The following NDUFA9 variants were observed in gnomAD, a reference collection of about 807,000 sequenced individuals.
NDUFA9 encodes NADH:ubiquinone oxidoreductase subunit A9.
In NDUFA9, 23 loss-of-function variants were observed where a neutral mutation model predicts 45.9. The ratio of observed to expected loss-of-function variants is 0.50; its 90% CI spans 0.36 to 0.71. NDUFA9 has a LOEUF of 0.71. Among genes scored for constraint, NDUFA9 ranks in the 30% least tolerant of loss-of-function variants. The pLI, the probability that NDUFA9 is intolerant of heterozygous loss-of-function variation, is 0.00. For synonymous variants in NDUFA9, 176 were observed against 170.5 expected (o/e 1.03, Z -0.25); for missense variants, 466 against 488.2 (o/e 0.95, Z 0.43).
chr12:4,665,478 C>T (rs1463770676), intron 6 of NDUFA9, among the ~76,000 whole-genome samples: 1 of 152,124 alleles, frequency 6.6e-6, no homozygotes, highest in Non-Finnish European at 1.5e-5. Flanking sequence ...TTTAATAAGC[C>T]ATCCATCAAT....
At chr12:4,658,992 G>A (rs754682837) in intron 4 of NDUFA9, 44 bp from the exon 5 acceptor site, 4 of 1,568,706 alleles carry the variant, frequency 2.5e-6, no homozygotes, top group East Asian at 2.2e-5. Flanking sequence ...TTGAGATCCT[G>A]TGTGTGGAGT....
At position 4,676,170 on chromosome 12, in the gene NDUFA9, C is replaced by A. The variant is rs10082907; in HGVS notation, c.801-6035C>A. Reference sequence around the variant, plus strand: ...ATAATAAGAGCTATTTATGACAAACCCACAGCCAATATCATACTGATTGGG... The same window carrying A: ...ATAATAAGAGCTATTTATGACAAACACACAGCCAATATCATACTGATTGGG... On this transcript the variant is annotated intron_variant, in intron 8 of 10. Transcript: ENST00000266544. 3.2e-3 allele frequency among the ~76,000 whole-genome samples: 490 copies of A among 152,012 alleles called. 3 individuals are homozygous for A. The highest frequency in any genetic ancestry group is 0.01 in the African/African-American group (430 of 41,454).
chr12:4,668,487 G>C lies in NDUFA9; in HGVS notation c.686G>C (p.Gly229Ala). The change falls in exon 7 of 11, where the codon GGT becomes GCT. Residue 229 changes from glycine (G) to alanine (A), a missense_variant. Coordinates refer to ENST00000266544, the MANE Select transcript of NDUFA9 (RefSeq NM_005002.5). ...CATCGGTTTGGTCCTATACCCCTTGGTTCCTTGGGCTGGAAGACAGTTAAA... is the reference window on the plus strand; with the variant it reads ...CATCGGTTTGGTCCTATACCCCTTGCTTCCTTGGGCTGGAAGACAGTTAAA... ...SMHRFGPIPLGSLGWKTVKQP... is the reference protein window; with the variant it reads ...SMHRFGPIPLASLGWKTVKQP... 6.2e-7 allele frequency: 1 copy of C among 1,613,752 alleles called. No individual in the cohort carries two copies. Among genetic ancestry groups the C allele is most frequent in the Non-Finnish European group, 8.5e-7 (1 of 1,179,732 alleles).
intron 8 of NDUFA9, among the ~76,000 whole-genome samples, chr12:4,674,394 G>C (rs933289947): frequency 6.6e-6 from 1 of 152,028 alleles, no homozygotes; most frequent in Non-Finnish European, 1.5e-5. Flanking sequence ...TTGGAGAAAG[G>C]GTCAAGACTC....
chr12:4,685,125 G>T, intron 9 of NDUFA9, 134 bp from the exon 10 acceptor site: 1 of 788,268 alleles, frequency 1.3e-6, no homozygotes, highest in Non-Finnish European at 2.2e-6. Flanking sequence ...GGTCGAGGTG[G>T]TTATTTTCTT....
At chr12:4,660,968 G>A (rs1428602505) in intron 5 of NDUFA9, among the ~76,000 whole-genome samples, 1 of 151,582 alleles carries the variant, frequency 6.6e-6, no homozygotes, top group Non-Finnish European at 1.5e-5. Context: ...AAGACTGAGA[G>A]GATAGAAGCT....
intron 7 of NDUFA9, among the ~76,000 whole-genome samples, 197 bp from the exon 8 acceptor site, chr12:4,669,544 T>G (rs1945874041): frequency 6.6e-6 from 1 of 152,258 alleles, no homozygotes; most frequent in African/African-American, 2.4e-5. Flanking sequence ...AGGCTCATTC[T>G]TTTAAGAAGC....
chr12:4,662,628 T>A lies in NDUFA9; in HGVS notation c.648T>A (p.Ser216=). 6.2e-7 allele frequency: 1 copy of A among 1,612,326 alleles called. No individual in the cohort carries two copies. Among genetic ancestry groups the A allele is most frequent in the African/African-American group, 1.3e-5 (1 of 75,010 alleles). ...IFGREDRFLN[S]FASMHRFGPI... ...GAAGAGAGGATAGATTCCTTAATTC[T>A]TTTGCAAGTACGTATTCTTTCTTAA... The change falls in exon 6 of 11, where the codon TCT becomes TCA. Residue 216 remains serine, a synonymous_variant. Transcript: ENST00000266544.
In NDUFA9 at chr12:4,687,083, A is replaced by G. The variant is rs533896018; in HGVS notation, c.1109A>G (p.Lys370Arg). Residue 370 changes from lysine (K) to arginine (R), a missense_variant, in exon 11 of 11, where the codon AAG becomes AGG. Transcript: ENST00000266544. ...CTGTCTGCTGAAATTGAGGATGTGAAGCCGGCCAAGACCGTCAACATTTAG... is the reference window on the plus strand; with the variant it reads ...CTGTCTGCTGAAATTGAGGATGTGAGGCCGGCCAAGACCGTCAACATTTAG... ...RWLSAEIEDV[K>R]PAKTVNI The G allele has an allele frequency of 1.5e-5, 24 of 1,614,152 alleles. No individual in the cohort carries two copies. In the East Asian group the frequency reaches 5.1e-4, roughly 34 times the overall value.
intron 5 of NDUFA9, among the ~76,000 whole-genome samples, chr12:4,659,591 C>T (rs1945812264): frequency 6.6e-6 from 1 of 152,148 alleles, no homozygotes; most frequent in South Asian, 2.1e-4. Context: ...TGTGAAGGCT[C>T]AGAATGACAG....
At chr12:4,677,495 G>A (rs951418138) in intron 8 of NDUFA9, among the ~76,000 whole-genome samples, 1 of 152,192 alleles carries the variant, frequency 6.6e-6, no homozygotes. Context: ...GATATGAGCA[G>A]ACACTTCTCA....
Position 4,661,239 on chromosome 12 carries a change from G to A in NDUFA9, c.553-1294G>A, listed in dbSNP as rs145843559. 5.0e-3 allele frequency among the ~76,000 whole-genome samples: 765 copies of A among 152,142 alleles called. 5 individuals carry two copies. Among genetic ancestry groups the A allele is most frequent in the Admixed American group, 7.7e-3 (117 of 15,284 alleles). On this transcript the variant is annotated intron_variant, in intron 5 of 10. Coordinates refer to ENST00000266544, the MANE Select transcript of NDUFA9 (RefSeq NM_005002.5). ...AGATTTAGTGGTGAGAACTTGAGGTGGTTTTTCCTCTACTGTCTTACATTT... is the reference window on the plus strand; with the variant it reads ...AGATTTAGTGGTGAGAACTTGAGGTAGTTTTTCCTCTACTGTCTTACATTT...
rs1413152923 is a variant in NDUFA9 at position 4,692,208 on chromosome 12, G to T, written c.*5100G>T. 1.3e-5 allele frequency: 2 copies of T among 152,234 alleles called. No homozygotes were observed. The highest frequency in any genetic ancestry group is 2.9e-5 in the Non-Finnish European group (2 of 68,054). The allele number at this position is 152,234 out of a possible 1,614,324, so 9.4% of individuals were successfully genotyped here. ...TTGCAATGTAATCTCCAGTGTTGGA[G>T]TTGGGGCCTAGTGGGAGGCGATTAG... On this transcript the variant is annotated 3_prime_UTR_variant, in exon 11 of 11. Transcript: ENST00000266544.
Position 4,649,184 on chromosome 12 carries a change from T to C in NDUFA9, c.49+9T>C. On this transcript the variant is annotated intron_variant, in intron 1 of 10. Coordinates refer to ENST00000266544, the MANE Select transcript of NDUFA9 (RefSeq NM_005002.5). ...GGTCCTGTCAATGTCACGTAAGTGT[T>C]ACCGGGAACGGCGGCCCCTGGTCGG... The C allele has an allele frequency of 6.2e-7, 1 of 1,602,140 alleles. No individual in the cohort carries two copies. The highest frequency in any genetic ancestry group is 8.5e-7 in the Non-Finnish European group (1 of 1,174,344).
intron 1 of NDUFA9, among the ~76,000 whole-genome samples, chr12:4,651,929 T>C (rs574816087): frequency 6.6e-6 from 1 of 152,354 alleles, no homozygotes; most frequent in East Asian, 1.9e-4. Context: ...TTTAAATTCA[T>C]GAATACAAAT....
At chr12:4,679,321 A>C (rs1366065474) in intron 8 of NDUFA9, among the ~76,000 whole-genome samples, 1 of 152,212 alleles carries the variant, frequency 6.6e-6, no homozygotes, top group Non-Finnish European at 1.5e-5. Context: ...GGATTATGGT[A>C]ATGATTGTAC....
chr12:4,688,344 G>C lies in NDUFA9; in HGVS notation c.*1236G>C, dbSNP rs1161975026. ...AGAAAAATTTCAAAAAGTTAGTAGGGCATGGTGGCACGCACCTGTAGTCTC... is the reference window on the plus strand; with the variant it reads ...AGAAAAATTTCAAAAAGTTAGTAGGCCATGGTGGCACGCACCTGTAGTCTC... On this transcript the variant is annotated 3_prime_UTR_variant, in exon 11 of 11. Transcript: ENST00000266544. 6.6e-6 allele frequency: 1 copy of C among 152,012 alleles called. No homozygotes were observed. Among genetic ancestry groups the C allele is most frequent in the Non-Finnish European group, 1.5e-5 (1 of 68,056 alleles). The allele number at this position is 152,012 out of a possible 1,614,324, so 9.4% of individuals were successfully genotyped here. A position where few individuals can be genotyped will look rare whatever the true frequency, so the allele number is the denominator to read the frequency against.
In NDUFA9 at chr12:4,654,446, T is replaced by C. The variant is rs1945777642; in HGVS notation, c.204T>C (p.Tyr68=). The C allele has an allele frequency of 1.2e-6, 2 of 1,614,012 alleles. No individual in the cohort carries two copies. Among genetic ancestry groups the C allele is most frequent in the African/African-American group, 1.3e-5 (1 of 74,936 alleles). ...VFGATGFLGR[Y]VVNHLGRMGS... is the part of the protein sequence containing the mutation. The stretch of plus-strand genomic sequence containing the variant: ...GAGCAACAGGATTCCTGGGGCGATA[T>C]GTTGTCAACCACCTTGGTAAGTAAA... Residue 68 remains tyrosine (Y), a synonymous_variant, in exon 2 of 11, where the codon TAT becomes TAC. Transcript: ENST00000266544.
At chr12:4,679,895 C>G (rs1303976305) in intron 8 of NDUFA9, among the ~76,000 whole-genome samples, 1 of 152,026 alleles carries the variant, frequency 6.6e-6, no homozygotes, top group African/African-American at 2.4e-5. Flanking sequence ...GGAGATGAGG[C>G]CGACAGAAAA....
Sources: gnomAD v4.1 joint callset for allele counts (sites outside exome capture counted in the v4.1 genomes callset) on GRCh38, gnomAD v4.1.1 for gene constraint, MANE v1.5 for transcripts, NCBI Gene and HGNC (gene_info 2026-07-23, HGNC 2026-07-21) for gene names.